Variants in CCDC146 observed in about 807,000 individuals in gnomAD.
CCDC146 encodes coiled-coil domain containing 146, also known as coiled-coil domain-containing protein 146.
CCDC146 carries 92 observed loss-of-function variants against 119.3 expected under a neutral mutation model. The observed-to-expected ratio is 0.77, with a 90% CI of 0.65 to 0.92. CCDC146 has a LOEUF of 0.92. Ranked by LOEUF, CCDC146 falls within the 40% of genes least tolerant of loss-of-function variation. The probability of loss-of-function intolerance (pLI) is 0.00; values close to 1 mark genes in which losing one functional copy is unlikely to be tolerated. For synonymous variants in CCDC146, 372 were observed against 371.8 expected, an observed-to-expected ratio of 1.00 and a Z score of -0.01; for missense variants, 1,000 against 1,103.0, an observed-to-expected ratio of 0.91 and a Z score of 1.32.
intron 17 of CCDC146, among the ~76,000 whole-genome samples, chr7:77,292,616 C>CAA (rs61250624): frequency 2.4e-4 from 22 of 89,996 alleles, no homozygotes; most frequent in Admixed American, 4.0e-4. Flanking sequence ...GACTCAGTCT[C>CAA]AAAAAAAAAA....
intron 17 of CCDC146, among the ~76,000 whole-genome samples, chr7:77,288,955 A>C (rs17151094): frequency 0.24 from 37,050 of 152,174 alleles, 5,350 homozygotes; most frequent in African/African-American, 0.39. Context: ...GATTGTAAAT[A>C]TTAGACTATC....
rs938185116 is a variant in CCDC146, at chr7:77,156,839, C to T, written c.-11-10819C>T. Among the ~76,000 whole-genome samples, 6 of 151,722 alleles carry T rather than the reference C, an allele frequency of 4.0e-5. No individual in the cohort carries two copies. In the East Asian group the frequency reaches 7.7e-4, roughly 19 times the overall value. On this transcript the variant is annotated intron_variant, in intron 1 of 18. Transcript: ENST00000285871. Reference sequence around the variant, plus strand: ...ATTCTGAGCCTGTCATATAGTGGACCGGAGGCCCCATAGGATGAGCCTTAA... The same window carrying T: ...ATTCTGAGCCTGTCATATAGTGGACTGGAGGCCCCATAGGATGAGCCTTAA...
intron 1 of CCDC146, among the ~76,000 whole-genome samples, chr7:77,146,021 T>C (rs1200675928): frequency 6.6e-6 from 1 of 151,912 alleles, no homozygotes; most frequent in Admixed American, 6.6e-5. Flanking sequence ...AGTGGGGTGT[T>C]AAAGTCTCCC....
At chr7:77,124,457 A>C (rs1356069897) in intron 1 of CCDC146, among the ~76,000 whole-genome samples, 1 of 152,192 alleles carries the variant, frequency 6.6e-6, no homozygotes, top group Admixed American at 6.5e-5. Context: ...CTGTATCCTC[A>C]CTAATTAGGA....
At chr7:77,247,031 A>C (rs1240438929) in intron 4 of CCDC146, among the ~76,000 whole-genome samples, 1 of 152,232 alleles carries the variant, frequency 6.6e-6, no homozygotes, top group Non-Finnish European at 1.5e-5. Context: ...TATTTTAATT[A>C]AATGTTAGGT....
In CCDC146 at chr7:77,286,346, C is replaced by T. The variant is rs141036046; in HGVS notation, c.2149-452C>T. 1.8e-4 allele frequency among the ~76,000 whole-genome samples: 28 copies of T among 152,260 alleles called. No individual in the cohort carries two copies. The East Asian group carries it at 3.9e-3, about 21-fold the overall frequency. The stretch of plus-strand genomic sequence containing the variant: ...GACAGTACCAAGCCATTCATGAAGG[C>T]CCCATCCTGCCCCCATGACCCAAAC... On this transcript the variant is annotated intron_variant, in intron 15 of 18. Transcript: ENST00000285871.
At position 77,198,253 on chromosome 7, in the gene CCDC146, A is replaced by G. The variant is rs1173004915; in HGVS notation, c.156+30429A>G. The G allele has an allele frequency of 5.1e-6, 5 of 985,436 alleles. No individual in the cohort carries two copies. The East Asian group carries it at 3.4e-4, about 67-fold the overall frequency. 61.0% of individuals were successfully genotyped at this position (985,436 alleles called of 1,614,324 possible). On this transcript the variant is annotated intron_variant, in intron 2 of 18. Coordinates refer to ENST00000285871, the MANE Select transcript of CCDC146 (RefSeq NM_020879.3). Reference sequence around the variant, plus strand: ...CTGGCAGATGCCCTGGGGATGGAGCATGCCTGAGATACTGTCTCTAAATGA... The same window carrying G: ...CTGGCAGATGCCCTGGGGATGGAGCGTGCCTGAGATACTGTCTCTAAATGA...
intron 1 of CCDC146, among the ~76,000 whole-genome samples, chr7:77,148,940 A>G (rs150359199): frequency 0.26 from 39,560 of 152,102 alleles, 5,368 homozygotes; most frequent in African/African-American, 0.33. Flanking sequence ...ATCCCCATCA[A>G]GCTACCATTG....
At chr7:77,188,662 C>T (rs934199553) in intron 2 of CCDC146, among the ~76,000 whole-genome samples, 2 of 152,186 alleles carry the variant, frequency 1.3e-5, no homozygotes, top group African/African-American at 4.8e-5. Flanking sequence ...ATTACCCCCT[C>T]ATTTTGCTGT....
At chr7:77,271,479 TTA>T (rs1554360490) in intron 9 of CCDC146, among the ~76,000 whole-genome samples, 1 of 73,818 alleles carries the variant, frequency 1.4e-5, no homozygotes, top group East Asian at 3.0e-4. Context: ...CCTTTTTATT[TTA>T]TATATATATA....
At chr7:77,237,384 C>T (rs1346998713) in intron 3 of CCDC146, among the ~76,000 whole-genome samples, 2 of 152,320 alleles carry the variant, frequency 1.3e-5, no homozygotes, top group Non-Finnish European at 2.9e-5. Context: ...TTACAAATTA[C>T]TTCCAGGGAG....
At chr7:77,135,735 GA>G (rs948656873) in intron 1 of CCDC146, among the ~76,000 whole-genome samples, 2 of 152,074 alleles carry the variant, frequency 1.3e-5, no homozygotes, top group Non-Finnish European at 2.9e-5. Context: ...CAGAGTGGAT[GA>G]AAAAAACAAG....
intron 15 of CCDC146, among the ~76,000 whole-genome samples, chr7:77,285,306 G>C (rs57417694): frequency 0.015 from 2,354 of 152,132 alleles, 63 homozygotes; most frequent in African/African-American, 0.053. Context: ...TTAAGAAAAG[G>C]GAACATTAAG....
At chr7:77,233,666 G>T (rs1165409080) in intron 2 of CCDC146, among the ~76,000 whole-genome samples, 1 of 152,068 alleles carries the variant, frequency 6.6e-6, no homozygotes, top group Non-Finnish European at 1.5e-5. Context: ...CCTCACATGC[G>T]CATTTCACAA....
At chr7:77,169,450 C>A (rs1584038540) in intron 2 of CCDC146, among the ~76,000 whole-genome samples, 2 of 152,262 alleles carry the variant, frequency 1.3e-5, no homozygotes, top group South Asian at 4.1e-4. Context: ...TTTTCACCTA[C>A]AAGTTTGGGA....
intron 2 of CCDC146, among the ~76,000 whole-genome samples, chr7:77,224,711 C>A (rs1267349574): frequency 6.6e-6 from 1 of 152,140 alleles, no homozygotes; most frequent in African/African-American, 2.4e-5. Context: ...AATGAAGACC[C>A]TTGTACACCA....
At chr7:77,288,304 C>T (rs567984370) in intron 17 of CCDC146, among the ~76,000 whole-genome samples, 7 of 152,330 alleles carry the variant, frequency 4.6e-5, no homozygotes, top group African/African-American at 9.6e-5. Context: ...AAAGGAATAC[C>T]TGAGGCTGGG....
At chr7:77,141,254 C>CT (rs536866798) in intron 1 of CCDC146, among the ~76,000 whole-genome samples, 66 of 152,176 alleles carry the variant, frequency 4.3e-4, no homozygotes, top group African/African-American at 1.3e-3. Flanking sequence ...AGAACTCATC[C>CT]TTTTTTATGG....
intron 2 of CCDC146, among the ~76,000 whole-genome samples, chr7:77,185,502 C>A (rs969931526): frequency 6.6e-6 from 1 of 152,178 alleles, no homozygotes. Flanking sequence ...AAGGTAGTAT[C>A]TCAGTGAGTC....
Sources: allele counts gnomAD v4.1 joint callset (sites outside exome capture counted in the v4.1 genomes callset), GRCh38; gene constraint gnomAD v4.1.1; transcripts MANE v1.5; gene names NCBI Gene and HGNC (gene_info 2026-07-23, HGNC 2026-07-21).